The following BCAS1 variants were observed in gnomAD, a reference collection of about 807,000 sequenced individuals.
BCAS1 encodes breast carcinoma-amplified sequence 1.
Under a neutral mutation model 65.4 loss-of-function variants are expected in BCAS1, and 46 were observed. The observed-to-expected ratio is 0.70, with a 90% CI of 0.55 to 0.90. The LOEUF is 0.90. BCAS1 is among the 40% of genes least tolerant of loss of function. The pLI is 0.00. For synonymous variants in BCAS1, 298 were observed against 293.5 expected (o/e 1.02, Z -0.16); for missense variants, 793 against 771.2 (o/e 1.03, Z -0.33).
chr20:53,970,022 T>C (rs6022883), intron 9 of BCAS1, among the ~76,000 whole-genome samples: 34 of 152,266 alleles, frequency 2.2e-4, no homozygotes, highest in African/African-American at 8.2e-4. Context: ...AAATAGAAAA[T>C]AGCTCTTAAG....
In BCAS1 at chr20:54,028,509, C is replaced by G; in HGVS notation, c.606G>C (p.Lys202Asn). The G allele has an allele frequency of 6.2e-7, 1 of 1,614,178 alleles. No homozygotes were observed. The highest frequency in any genetic ancestry group is 8.5e-7 in the Non-Finnish European group (1 of 1,180,034). The change falls in exon 4 of 13, where the codon AAG becomes AAC. Residue 202 changes from lysine (K) to asparagine (N), a missense_variant. Lys to Asn is a moderately conservative substitution (Grantham distance 94). Coordinates refer to ENST00000688948, the MANE Select transcript of BCAS1 (RefSeq NM_001366298.2). ...SFFDKFFKLDKGQEKVPGDSQ... is the reference protein window; with the variant it reads ...SFFDKFFKLDNGQEKVPGDSQ... Reference sequence around the variant, plus strand: ...TGTCACCTGGCACCTTTTCCTGTCCCTTGTCCAGCTTGAAGAATTTGTCAA... The same window carrying G: ...TGTCACCTGGCACCTTTTCCTGTCCGTTGTCCAGCTTGAAGAATTTGTCAA...
rs769534783 is a variant in BCAS1 at position 53,985,314 on chromosome 20, C to T, written c.1248G>A (p.Leu416=). The change falls in exon 8 of 13, where the codon CTG becomes CTA. Residue 416 remains leucine (L), a synonymous_variant. Transcript: ENST00000688948. The part of the protein sequence containing the change: ...GTKEKSGPTS[L]PLGKLFWKKS... Reference sequence around the variant, plus strand: ...TTTTCCAAAACAGTTTGCCCAGAGGCAGAGAGGTGGGTCCTGATTTCTCCT... The same window carrying T: ...TTTTCCAAAACAGTTTGCCCAGAGGTAGAGAGGTGGGTCCTGATTTCTCCT... The T allele has an allele frequency of 6.2e-7, 1 of 1,613,736 alleles. No individual in the cohort carries two copies. Among genetic ancestry groups the T allele is most frequent in the Admixed American group, 1.7e-5 (1 of 60,024 alleles).
intron 1 of BCAS1, among the ~76,000 whole-genome samples, chr20:54,062,981 C>T (rs1292133577): frequency 2.6e-5 from 4 of 152,202 alleles, no homozygotes; most frequent in African/African-American, 9.7e-5. Flanking sequence ...ATTCAGCCTA[C>T]AGGACTAGGT....
chr20:54,008,349 C>T (rs1349313352), intron 4 of BCAS1, among the ~76,000 whole-genome samples: 1 of 152,186 alleles, frequency 6.6e-6, no homozygotes, highest in Non-Finnish European at 1.5e-5. Context: ...GACTTCCAAC[C>T]CCACCCAGGA....
chr20:53,986,363 T>C (rs2090616277), intron 7 of BCAS1, among the ~76,000 whole-genome samples: 1 of 152,182 alleles, frequency 6.6e-6, no homozygotes, highest in African/African-American at 2.4e-5. Context: ...TGCCACCCAC[T>C]GAGTCATGAG....
At chr20:54,045,356 C>T (rs1346092246) in intron 3 of BCAS1, among the ~76,000 whole-genome samples, 9 of 151,890 alleles carry the variant, frequency 5.9e-5, no homozygotes. Flanking sequence ...TACATTGTAG[C>T]TTTAAAAAAA....
At chr20:53,996,115 G>C (rs1376544740) in intron 4 of BCAS1, 65 bp from the exon 5 acceptor site, 2 of 1,488,476 alleles carry the variant, frequency 1.3e-6, no homozygotes, top group African/African-American at 2.8e-5. Flanking sequence ...TCATACTTTT[G>C]CTTCACACCC....
chr20:54,058,124 CT>C lies in BCAS1; in HGVS notation c.102del (p.Val35TrpfsTer11). On this transcript the variant is annotated frameshift_variant, in exon 3 of 13. Transcript: ENST00000688948. LOFTEE classifies it high-confidence loss of function. The stretch of plus-strand genomic sequence containing the variant: ...TGAACTGTGTGGGTCGACACCACCA[CT>C]GGAACCCCGTTCAGAGCAGACGCGT... Reference protein sequence around the residue: ...QDNASALNGVPVVVSTHTVQH... With the variant: ...QDNASALNGVXVVVSTHTVQH... 1 of 1,614,034 alleles carries C rather than the reference CT, an allele frequency of 6.2e-7. No homozygotes were observed. Among genetic ancestry groups the C allele is most frequent in the Non-Finnish European group, 8.5e-7 (1 of 1,179,994 alleles).
At chr20:54,051,405 C>T (rs141053358) in intron 3 of BCAS1, among the ~76,000 whole-genome samples, 3 of 152,176 alleles carry the variant, frequency 2.0e-5, no homozygotes, top group African/African-American at 7.2e-5. Flanking sequence ...AATTAACATA[C>T]CACATGTATT....
At chr20:53,974,753 T>C (rs1283685023) in intron 9 of BCAS1, among the ~76,000 whole-genome samples, 1 of 152,236 alleles carries the variant, frequency 6.6e-6, no homozygotes, top group Non-Finnish European at 1.5e-5. Context: ...TTTATTAATC[T>C]CCCTGGAAGC....
intron 4 of BCAS1, among the ~76,000 whole-genome samples, chr20:54,024,031 T>G (rs6127063): frequency 0.18 from 28,114 of 152,182 alleles, 2,672 homozygotes; most frequent in East Asian, 0.31. Flanking sequence ...CTAAGTACTT[T>G]ATATGGCCTA....
intron 4 of BCAS1, among the ~76,000 whole-genome samples, chr20:54,022,131 C>A (rs1414947073): frequency 1.3e-5 from 2 of 152,150 alleles, no homozygotes; most frequent in African/African-American, 4.8e-5. Context: ...AGGGACTAAG[C>A]AACAATGGAG....
intron 11 of BCAS1, among the ~76,000 whole-genome samples, chr20:53,955,334 A>AC (rs1302636147): frequency 6.6e-6 from 1 of 152,202 alleles, no homozygotes; most frequent in Non-Finnish European, 1.5e-5. Context: ...CTTCTGGCAG[A>AC]CCCCAACTGT....
At chr20:53,961,688 C>T (rs905804850) in intron 10 of BCAS1, among the ~76,000 whole-genome samples, 9 of 152,204 alleles carry the variant, frequency 5.9e-5, no homozygotes, top group South Asian at 4.1e-4. Context: ...GTTCTACCTT[C>T]GTATCCTTTC....
chr20:54,058,593 C>CTTTTTTTTTTTTTTT, intron 2 of BCAS1, 54 bp downstream of exon 2: 7 of 1,223,982 alleles, frequency 5.7e-6, no homozygotes, highest in South Asian at 4.6e-5. Flanking sequence ...ACAGGAAGTT[C>CTTTTTTTTTTTTTTT]TTTTTTTTTT....
intron 10 of BCAS1, among the ~76,000 whole-genome samples, chr20:53,962,951 C>T (rs6097695): frequency 0.042 from 6,450 of 151,972 alleles, 170 homozygotes; most frequent in East Asian, 0.11. Flanking sequence ...CCCGGATTCA[C>T]GCCATTCTCC....
chr20:54,056,137 A>G (rs2092293329), intron 3 of BCAS1, among the ~76,000 whole-genome samples: 1 of 152,158 alleles, frequency 6.6e-6, no homozygotes, highest in South Asian at 2.1e-4. Context: ...CTTACTTGAA[A>G]TTTGCTAAGA....
At chr20:54,023,889 G>C (rs1052665154) in intron 4 of BCAS1, among the ~76,000 whole-genome samples, 1 of 152,194 alleles carries the variant, frequency 6.6e-6, no homozygotes, top group Non-Finnish European at 1.5e-5. Flanking sequence ...CTATCTCTGT[G>C]AGTTTGGGTT....
At position 53,953,475 on chromosome 20, in the gene BCAS1, G is replaced by T; in HGVS notation, c.1772C>A (p.Pro591His). Residue 591 changes from proline to histidine, a missense_variant, in exon 12 of 13, where the codon CCT (proline) becomes CAT (histidine). Physicochemically the swap from Pro to His is moderately conservative, Grantham distance 77. Coordinates refer to ENST00000688948, the MANE Select transcript of BCAS1 (RefSeq NM_001366298.2). ...CCCAAGGGACTGCTGCCGCTTCTCA[G>T]GTCTCTTTTGGAGCTTGTCCCCATT... ...LQNGDKLQKR[P>H]EKRQQSLGGF... The T allele has an allele frequency of 2.5e-6, 4 of 1,614,068 alleles. No homozygotes were observed. The highest frequency in any genetic ancestry group is 2.5e-6 in the Non-Finnish European group (3 of 1,180,018).
Sources: gnomAD v4.1 joint callset for allele counts (sites outside exome capture counted in the v4.1 genomes callset) on GRCh38, gnomAD v4.1.1 for gene constraint, MANE v1.5 for transcripts, NCBI Gene and HGNC (gene_info 2026-07-23, HGNC 2026-07-21) for gene names.